GRID2: variants seen among roughly 807,000 people sequenced by gnomAD.
GRID2 encodes glutamate ionotropic receptor delta type subunit 2.
A neutral mutation model predicts 114.8 loss-of-function variants in GRID2; 33 were observed. The observed-to-expected ratio is 0.29, with a 90% confidence interval of 0.22 to 0.38. GRID2 has a LOEUF of 0.38. Among genes scored for constraint, GRID2 ranks in the 10% least tolerant of loss-of-function variants. The pLI is 1.00. For missense variants in GRID2, 1,184 were observed against 1,257.7 expected, an observed-to-expected ratio of 0.94 and a Z score of 0.89; for synonymous variants, 505 against 449.9, an observed-to-expected ratio of 1.12 and a Z score of -1.55.
At chr4:93,516,819 A>G (rs1283467803) in intron 13 of GRID2, among the ~76,000 whole-genome samples, 2 of 152,136 alleles carry the variant, frequency 1.3e-5, no homozygotes, top group Non-Finnish European at 2.9e-5. Flanking sequence ...TTTCCTTTAT[A>G]TCATCTGTTA....
chr4:92,670,137 C>A (rs1447536087), intron 2 of GRID2, among the ~76,000 whole-genome samples: 1 of 152,042 alleles, frequency 6.6e-6, no homozygotes, highest in East Asian at 1.9e-4. Context: ...TCATTAGCAC[C>A]ACAGGAGAGA....
chr4:93,090,103 T>C (rs966935423), intron 3 of GRID2, among the ~76,000 whole-genome samples: 1 of 152,156 alleles, frequency 6.6e-6, no homozygotes, highest in Non-Finnish European at 1.5e-5. Flanking sequence ...TGGCTAATAG[T>C]AAATTTCCCC....
At chr4:92,749,246 C>A (rs1055166283) in intron 2 of GRID2, among the ~76,000 whole-genome samples, 2 of 151,564 alleles carry the variant, frequency 1.3e-5, no homozygotes, top group Admixed American at 1.3e-4. Flanking sequence ...TCGTGATCTG[C>A]CCGCCTCCCA....
chr4:93,750,022 C>T (rs550086799), intron 14 of GRID2, among the ~76,000 whole-genome samples: 1 of 152,294 alleles, frequency 6.6e-6, no homozygotes, highest in African/African-American at 2.4e-5. Flanking sequence ...ACTACTACTG[C>T]CATTGGTGAG....
chr4:93,540,430 T>C (rs1732547846), intron 13 of GRID2, among the ~76,000 whole-genome samples: 1 of 152,064 alleles, frequency 6.6e-6, no homozygotes, highest in Non-Finnish European at 1.5e-5. Flanking sequence ...AGGCCCATAT[T>C]TTAAAATTAA....
At chr4:92,710,598 G>C (rs567110716) in intron 2 of GRID2, among the ~76,000 whole-genome samples, 58 of 152,238 alleles carry the variant, frequency 3.8e-4, no homozygotes, top group Admixed American at 6.5e-4. Flanking sequence ...GTACTTCTGT[G>C]CTATCCTTAT....
chr4:92,919,927 CT>C (rs528449906), intron 2 of GRID2, among the ~76,000 whole-genome samples: 19 of 152,146 alleles, frequency 1.2e-4, no homozygotes, highest in Non-Finnish European at 2.8e-4. Context: ...TCTCATTGAT[CT>C]GTCTAATGTT....
chr4:93,765,806 T>C (rs1314766229), intron 14 of GRID2, among the ~76,000 whole-genome samples: 1 of 151,524 alleles, frequency 6.6e-6, no homozygotes, highest in Non-Finnish European at 1.5e-5. Context: ...TAAATGAACA[T>C]GAATTGAGGG....
intron 1 of GRID2, among the ~76,000 whole-genome samples, chr4:92,570,604 A>G (rs987546414): frequency 2.0e-5 from 3 of 151,946 alleles, no homozygotes; most frequent in African/African-American, 4.8e-5. Flanking sequence ...ATGTTTTTCC[A>G]TTTGTTTGTG....
chr4:93,571,365 T>G (rs1735917311), intron 13 of GRID2, among the ~76,000 whole-genome samples: 1 of 152,138 alleles, frequency 6.6e-6, no homozygotes, highest in African/African-American at 2.4e-5. Context: ...GTATATATAA[T>G]TGTGCATATT....
At chr4:93,313,008 A>T (rs1756187618) in intron 8 of GRID2, among the ~76,000 whole-genome samples, 1 of 152,218 alleles carries the variant, frequency 6.6e-6, no homozygotes, top group Non-Finnish European at 1.5e-5. Context: ...AAATTGCAGC[A>T]GGATATGAAC....
At chr4:93,629,887 G>C (rs184762081) in intron 14 of GRID2, among the ~76,000 whole-genome samples, 1 of 152,222 alleles carries the variant, frequency 6.6e-6, no homozygotes, top group Admixed American at 6.5e-5. Flanking sequence ...ACAATCATAT[G>C]AGGCATTGCA....
intron 13 of GRID2, among the ~76,000 whole-genome samples, chr4:93,578,324 C>G (rs191843785): frequency 1.3e-5 from 2 of 152,100 alleles, no homozygotes; most frequent in Admixed American, 6.5e-5. Flanking sequence ...ATATTTTTAG[C>G]CCACTGAGCA....
At chr4:92,983,836 G>T (rs1466778136) in intron 2 of GRID2, among the ~76,000 whole-genome samples, 1 of 152,070 alleles carries the variant, frequency 6.6e-6, no homozygotes, top group Admixed American at 6.5e-5. Flanking sequence ...TTTACTGTCA[G>T]AACTCTGTAT....
At chr4:93,700,197 ACT>A (rs1204770091) in intron 14 of GRID2, among the ~76,000 whole-genome samples, 23 of 152,252 alleles carry the variant, frequency 1.5e-4, no homozygotes, top group African/African-American at 5.5e-4. Context: ...ATTACAAATG[ACT>A]CTAATACAGA....
intron 2 of GRID2, among the ~76,000 whole-genome samples, chr4:92,739,903 A>T (rs1266214770): frequency 6.6e-6 from 1 of 152,144 alleles, no homozygotes; most frequent in East Asian, 1.9e-4. Context: ...AGAATAATCA[A>T]TCCAATTAAG....
chr4:93,216,135 T>A (rs1744178730), intron 5 of GRID2, among the ~76,000 whole-genome samples: 1 of 152,088 alleles, frequency 6.6e-6, no homozygotes, highest in South Asian at 2.1e-4. Flanking sequence ...GAATTTTTCA[T>A]CTATTCCTTA....
intron 11 of GRID2, among the ~76,000 whole-genome samples, chr4:93,488,653 T>TA (rs1726653337): frequency 6.6e-6 from 1 of 151,878 alleles, no homozygotes; most frequent in Non-Finnish European, 1.5e-5. Context: ...AATATTGCCA[T>TA]AAAAAATAAC....
At chr4:92,562,634 G>A (rs1289278933) in intron 1 of GRID2, among the ~76,000 whole-genome samples, 1 of 152,114 alleles carries the variant, frequency 6.6e-6, no homozygotes, top group Non-Finnish European at 1.5e-5. Context: ...GTGCCCGGTA[G>A]GCCCGACCTA....
Sources: gnomAD v4.1 joint callset for allele counts (sites outside exome capture counted in the v4.1 genomes callset) on GRCh38, gnomAD v4.1.1 for gene constraint, MANE v1.5 for transcripts, NCBI Gene and HGNC (gene_info 2026-07-23, HGNC 2026-07-21) for gene names.